Variants in NMT1 observed in about 807,000 individuals in gnomAD.
The protein encoded by NMT1 is N-myristoyltransferase 1.
A neutral mutation model predicts 63.4 loss-of-function variants in NMT1; 12 were observed. The ratio of observed to expected loss-of-function variants is 0.19; its 90% confidence interval spans 0.12 to 0.31. The LOEUF (loss-of-function observed/expected upper bound fraction) is 0.31, where lower values mean the gene tolerates loss of function less well. NMT1 is among the 10% of genes least tolerant of loss of function. The probability of loss-of-function intolerance (pLI) is 1.00; values close to 1 mark genes in which losing one functional copy is unlikely to be tolerated. For synonymous variants in NMT1, 228 were observed against 234.3 expected, an observed-to-expected ratio of 0.97 and a Z score of 0.25; for missense variants, 432 against 634.6, an observed-to-expected ratio of 0.68 and a Z score of 3.43.
chr17:45,073,420 A>C (rs2053955977), intron 1 of NMT1, among the ~76,000 whole-genome samples: 1 of 152,038 alleles, frequency 6.6e-6, no homozygotes, highest in Non-Finnish European at 1.5e-5. Context: ...TCTGTCTCAA[A>C]AAAAAAAAAG....
intron 2 of NMT1, among the ~76,000 whole-genome samples, chr17:45,082,565 A>G (rs8065098): frequency 0.11 from 16,588 of 152,248 alleles, 1,010 homozygotes; most frequent in Middle Eastern, 0.18. Context: ...AGAGTGATGC[A>G]CTGGCATGAA....
At chr17:45,089,342 GATTT>G (rs947799178) in intron 3 of NMT1, among the ~76,000 whole-genome samples, 2 of 151,944 alleles carry the variant, frequency 1.3e-5, no homozygotes, top group African/African-American at 2.4e-5. Context: ...AAGTCTCTCT[GATTT>G]ATTTATTTAT....
At chr17:45,084,475 C>T (rs536449923) in intron 2 of NMT1, among the ~76,000 whole-genome samples, 119 of 152,052 alleles carry the variant, frequency 7.8e-4, no homozygotes, top group African/African-American at 2.7e-3. Context: ...GCTGGGACTA[C>T]AGCCGCCCGT....
chr17:45,077,322 A>G (rs1598006950), intron 1 of NMT1, among the ~76,000 whole-genome samples: 3 of 152,316 alleles, frequency 2.0e-5, no homozygotes, highest in East Asian at 1.9e-4. Context: ...GCTGTTATGA[A>G]TAAGAATTTA....
At chr17:45,080,016 C>G (rs764174001) in intron 1 of NMT1, among the ~76,000 whole-genome samples, 5 of 152,034 alleles carry the variant, frequency 3.3e-5, no homozygotes, top group African/African-American at 7.2e-5. Context: ...CTTGTAATCT[C>G]TCCATGGCAG....
At chr17:45,080,982 G>C (rs902591264) in intron 1 of NMT1, among the ~76,000 whole-genome samples, 2 of 151,660 alleles carry the variant, frequency 1.3e-5, no homozygotes, top group African/African-American at 2.4e-5. Flanking sequence ...TGGCCAGTCT[G>C]GCCTTAAACT....
chr17:45,069,680 GT>G (rs2053927323), intron 1 of NMT1, among the ~76,000 whole-genome samples: 1 of 152,064 alleles, frequency 6.6e-6, no homozygotes, highest in Non-Finnish European at 1.5e-5. Flanking sequence ...AACTTGCTAG[GT>G]TTCTTTCCCC....
chr17:45,103,156 C>T lies in NMT1; in HGVS notation c.1164+35C>T, dbSNP rs184515040. The T allele has an allele frequency of 1.0e-5, 16 of 1,580,628 alleles. No homozygotes were observed. The highest frequency in any genetic ancestry group is 6.8e-5 in the East Asian group (3 of 44,100). On this transcript the variant is annotated intron_variant, in intron 9 of 11. Coordinates refer to ENST00000258960, the MANE Select transcript of NMT1 (RefSeq NM_021079.5). This position sits in a 1 kb window ranked among gnomAD's most constrained non-coding sequence, Gnocchi z 4.8. ...GGAGTGGTGTTCCAGGTCTCTAACA[C>T]GTTCCCAGAGAGGCACCCCCCTGAG...
Position 45,097,388 on chromosome 17 carries a change from C to T in NMT1, c.713+144C>T, listed in dbSNP as rs1191542089. The T allele has an allele frequency of 4.8e-5, 34 of 708,252 alleles. No homozygotes were observed. In the South Asian group the frequency reaches 5.1e-4, roughly 11 times the overall value. 43.9% of individuals were successfully genotyped at this position (708,252 alleles called of 1,614,324 possible). ...GGAGGATGCCCAGGTGCGGGGACTG[C>T]AGATTCATCCTAGGAACCACCTGTT... On this transcript the variant is annotated intron_variant, in intron 6 of 11. Transcript: ENST00000258960.
chr17:45,097,350 A>G (rs571608228), intron 6 of NMT1, 106 bp downstream of exon 6: 2 of 898,604 alleles, frequency 2.2e-6, no homozygotes, highest in East Asian at 4.9e-5. Flanking sequence ...GGAAGAGGGA[A>G]GGTCTCAGGA....
intron 1 of NMT1, among the ~76,000 whole-genome samples, chr17:45,080,398 G>A (rs1314965226): frequency 1.3e-5 from 2 of 150,776 alleles, no homozygotes; most frequent in Non-Finnish European, 2.9e-5. Flanking sequence ...CACCTCAGGT[G>A]ATCCGCCTGC....
intron 2 of NMT1, among the ~76,000 whole-genome samples, chr17:45,084,395 C>T (rs1013634258): frequency 2.1e-5 from 3 of 143,490 alleles, no homozygotes; most frequent in East Asian, 2.0e-4. Flanking sequence ...AGTGCAGTGG[C>T]GCAGTCTTGG....
intron 2 of NMT1, among the ~76,000 whole-genome samples, chr17:45,085,060 C>A (rs1248369502): frequency 6.6e-6 from 1 of 151,730 alleles, no homozygotes; most frequent in African/African-American, 2.4e-5. Flanking sequence ...CCAGCCCAGG[C>A]AACATAGTGA....
chr17:45,080,563 G>A (rs2054011326), intron 1 of NMT1, among the ~76,000 whole-genome samples: 1 of 147,238 alleles, frequency 6.8e-6, no homozygotes, highest in Non-Finnish European at 1.5e-5. Flanking sequence ...CTACCTCCCA[G>A]GTTCACACCA....
rs1392293962 is a variant in NMT1, at chr17:45,103,346, TAGAG to T, written c.1164+229_1164+232del. ...TCTGCCCCACTTTGATAACACAAAA[TAGAG>T]AGAACTGAGCCCCGCTTAATCCTTC... On this transcript the variant is annotated intron_variant, in intron 9 of 11. Transcript: ENST00000258960. This position sits in a 1 kb window ranked among gnomAD's most constrained non-coding sequence, Gnocchi z 4.8. Among the ~76,000 whole-genome samples the T allele has an allele frequency of 3.3e-5, 5 of 152,132 alleles. No individual in the cohort carries two copies. In the East Asian group the frequency reaches 7.7e-4, roughly 23 times the overall value.
At chr17:45,066,941 A>G (rs188338840) in intron 1 of NMT1, among the ~76,000 whole-genome samples, 13 of 152,236 alleles carry the variant, frequency 8.5e-5, no homozygotes, top group African/African-American at 3.1e-4. Context: ...GCTGGTCTCA[A>G]ACTGCTGGCC....
intron 3 of NMT1, among the ~76,000 whole-genome samples, chr17:45,090,245 C>G (rs556797574): frequency 4.6e-4 from 70 of 152,270 alleles, no homozygotes; most frequent in Middle Eastern, 3.4e-3. Context: ...GATCGTGCCA[C>G]TGCACTCTAG....
intron 1 of NMT1, among the ~76,000 whole-genome samples, chr17:45,069,075 G>T (rs964618135): frequency 6.7e-6 from 1 of 150,198 alleles, no homozygotes; most frequent in Non-Finnish European, 1.5e-5. Flanking sequence ...ACTCTCCTGC[G>T]TCAGCCTCCT....
rs1284414737 is a variant in NMT1 at position 45,081,733 on chromosome 17, C to T, written c.221C>T (p.Ala74Val). 1.3e-6 allele frequency: 2 copies of T among 1,579,042 alleles called. No individual in the cohort carries two copies. The highest frequency in any genetic ancestry group is 1.7e-6 in the Non-Finnish European group (2 of 1,160,914). Residue 74 changes from alanine (A) to valine (V), a missense_variant, in exon 2 of 12, where the codon GCC becomes GTC. By Grantham distance (64) the Ala-to-Val change is moderately conservative. Coordinates refer to ENST00000258960, the MANE Select transcript of NMT1 (RefSeq NM_021079.5). ...GAAAAAGGCAGTGAGACAGATTCAG[C>T]CCAGGATCAGCCTGTGAAGGTAACA... ...KKEKGSETDS[A>V]QDQPVKMNSL...
Sources: allele counts gnomAD v4.1 joint callset (sites outside exome capture counted in the v4.1 genomes callset), GRCh38; gene constraint gnomAD v4.1.1; non-coding constraint Gnocchi (gnomAD v3.1); transcripts MANE v1.5; gene names NCBI Gene and HGNC (gene_info 2026-07-23, HGNC 2026-07-21).